FOXN3: variants seen among roughly 807,000 people sequenced by gnomAD.
FOXN3 encodes forkhead box protein N3.
FOXN3 carries 7 observed loss-of-function variants against 38.4 expected under a neutral mutation model. The ratio of observed to expected loss-of-function variants is 0.18; its 90% CI spans 0.10 to 0.34. The LOEUF (loss-of-function observed/expected upper bound fraction) is 0.34, where lower values mean the gene tolerates loss of function less well. Among genes scored for constraint, FOXN3 ranks in the 10% least tolerant of loss-of-function variants. The probability of loss-of-function intolerance (pLI) is 1.00; values close to 1 mark genes in which losing one functional copy is unlikely to be tolerated. For synonymous variants in FOXN3, 230 were observed against 242.2 expected (o/e 0.95, Z 0.47); for missense variants, 456 against 613.4 (o/e 0.74, Z 2.71).
In FOXN3 at chr14:89,203,620, G is replaced by C. The variant is rs377281991; in HGVS notation, c.746-22814C>G. 3.3e-5 allele frequency among the ~76,000 whole-genome samples: 5 copies of C among 152,310 alleles called. No individual in the cohort carries two copies. In the East Asian group the frequency reaches 5.8e-4, roughly 18 times the overall value. On this transcript the variant is annotated intron_variant, in intron 4 of 5. Coordinates refer to ENST00000557258, the MANE Select transcript of FOXN3 (RefSeq NM_005197.4). ...GCGGGCAGAGTGTTTAAGGAAGCGG[G>C]GGCGTGTGGTATGAATACTCAGATC...
Position 89,249,451 on chromosome 14 carries a change from C to A in FOXN3, c.745+31499G>T, listed in dbSNP as rs138011052. On this transcript the variant is annotated intron_variant, in intron 4 of 5. Coordinates refer to ENST00000557258, the MANE Select transcript of FOXN3 (RefSeq NM_005197.4). Reference sequence around the variant, plus strand: ...CACAGCCTTTGAAATGCTGAGAGGGCAAGTCAGCAACGCAGACACCGTGAT... The same window carrying A: ...CACAGCCTTTGAAATGCTGAGAGGGAAAGTCAGCAACGCAGACACCGTGAT... Among the ~76,000 whole-genome samples the A allele has an allele frequency of 9.8e-3, 1,487 of 152,310 alleles. 21 individuals are homozygous for A. The highest frequency in any genetic ancestry group is 0.034 in the African/African-American group (1,407 of 41,556).
In FOXN3 at chr14:89,401,458, C is replaced by G. The variant is rs950263797; in HGVS notation, c.543+10476G>C. On this transcript the variant is annotated intron_variant, in intron 2 of 5. Coordinates refer to ENST00000557258, the MANE Select transcript of FOXN3 (RefSeq NM_005197.4). The stretch of plus-strand genomic sequence containing the variant: ...AACAACAACAACAGTAGGTATTCTG[C>G]AAGACCTCAGAACCATAGCTGCAAA... 60 of 393,282 alleles carry G rather than the reference C, an allele frequency of 1.5e-4. 1 individual carries two copies. The Middle Eastern group carries it at 3.1e-3, about 20-fold the overall frequency. 24.4% of individuals were successfully genotyped at this position (393,282 alleles called of 1,614,324 possible).
chr14:89,352,131 G>A (rs550496945), intron 2 of FOXN3, among the ~76,000 whole-genome samples: 4 of 152,264 alleles, frequency 2.6e-5, no homozygotes, highest in Admixed American at 2.6e-4. Context: ...CCACCCCCAC[G>A]TGCAGGCCTG....
At chr14:89,418,020 G>C (rs1046692741), upstream of FOXN3, among the ~76,000 whole-genome samples, 2 of 152,184 alleles carry the variant, frequency 1.3e-5, no homozygotes, top group African/African-American at 4.8e-5. Flanking sequence ...CCAGCGAAAT[G>C]GTGCAGCCAC....
At chr14:89,178,427 G>A (rs899033692) in intron 5 of FOXN3, among the ~76,000 whole-genome samples, 5 of 152,144 alleles carry the variant, frequency 3.3e-5, no homozygotes, top group African/African-American at 1.2e-4. Context: ...TGAGATTATA[G>A]GCATGAGCCA....
chr14:89,448,295 G>A (rs895807198), intron 1 of FOXN3, among the ~76,000 whole-genome samples: 17 of 152,122 alleles, frequency 1.1e-4, no homozygotes, highest in African/African-American at 3.9e-4. Flanking sequence ...ACACACACAG[G>A]TCAAGGAGGT....
intron 3 of FOXN3, among the ~76,000 whole-genome samples, chr14:89,344,921 T>C (rs955682366): frequency 1.5e-4 from 23 of 152,220 alleles, no homozygotes; most frequent in African/African-American, 5.5e-4. Flanking sequence ...TTAGAACAGC[T>C]CAGTGGACTT....
At chr14:89,559,442 C>A (rs778268978) in intron 1 of FOXN3, among the ~76,000 whole-genome samples, 1 of 152,152 alleles carries the variant, frequency 6.6e-6, no homozygotes, top group African/African-American at 2.4e-5. Context: ...CTTTGGGAAG[C>A]TGAGGAGGGC....
chr14:89,486,187 A>G (rs999989904), intron 1 of FOXN3, among the ~76,000 whole-genome samples: 1 of 152,226 alleles, frequency 6.6e-6, no homozygotes, highest in Non-Finnish European at 1.5e-5. Flanking sequence ...CTCAACTAAA[A>G]GTACAACATT....
chr14:89,206,030 T>G (rs1279934125), intron 4 of FOXN3, among the ~76,000 whole-genome samples: 2 of 152,218 alleles, frequency 1.3e-5, no homozygotes, highest in Non-Finnish European at 2.9e-5. Flanking sequence ...AGCAAGAAGA[T>G]GCCCTCTAGA....
At chr14:89,382,229 C>T (rs1352963017) in intron 2 of FOXN3, among the ~76,000 whole-genome samples, 1 of 152,110 alleles carries the variant, frequency 6.6e-6, no homozygotes, top group African/African-American at 2.4e-5. Context: ...CTGGTGTCAC[C>T]AAGTGTACAC....
At chr14:89,360,424 G>GAGGGAGGA (rs1388557771) in intron 2 of FOXN3, among the ~76,000 whole-genome samples, 1 of 150,568 alleles carries the variant, frequency 6.6e-6, no homozygotes. Flanking sequence ...GGTAAAAAGA[G>GAGGGAGGA]AGGGAGGAAG....
intron 3 of FOXN3, chr14:89,291,737 G>C (rs1452864700): frequency 2.7e-6 from 1 of 369,590 alleles, no homozygotes; most frequent in Non-Finnish European, 5.3e-6. Flanking sequence ...ATTCAGTTGG[G>C]ACTTCATTCC....
chr14:89,313,854 A>T (rs115885706), intron 3 of FOXN3, among the ~76,000 whole-genome samples: 17 of 152,334 alleles, frequency 1.1e-4, no homozygotes, highest in African/African-American at 4.1e-4. Context: ...AATCTTGGGG[A>T]CACTGCGCTA....
intron 3 of FOXN3, among the ~76,000 whole-genome samples, chr14:89,306,205 A>T (rs543275841): frequency 6.6e-6 from 1 of 152,246 alleles, no homozygotes; most frequent in East Asian, 1.9e-4. Context: ...ATCAGCACTA[A>T]ACTGCTGGTG....
At chr14:89,615,331 G>A (rs1024197131) in intron 1 of FOXN3, among the ~76,000 whole-genome samples, 5 of 152,148 alleles carry the variant, frequency 3.3e-5, no homozygotes, top group African/African-American at 1.2e-4. Flanking sequence ...CAGCTTCAGT[G>A]AGTGTGTGAG....
Position 89,197,839 on chromosome 14 carries a change from G to A in FOXN3, c.746-17033C>T, listed in dbSNP as rs551050453. Among the ~76,000 whole-genome samples, 19 of 152,344 alleles carry A rather than the reference G, an allele frequency of 1.2e-4. No homozygotes were observed. In the South Asian group the frequency reaches 2.9e-3, roughly 23 times the overall value. Reference sequence around the variant, plus strand: ...CTGAAGTGTTTGAAAGGCGAAGAACGGCTGTCGCAGTAAATGAAGGATGCC... The same window carrying A: ...CTGAAGTGTTTGAAAGGCGAAGAACAGCTGTCGCAGTAAATGAAGGATGCC... On this transcript the variant is annotated intron_variant, in intron 4 of 5. Transcript: ENST00000557258.
At chr14:89,556,345 G>T (rs1471973106) in intron 1 of FOXN3, among the ~76,000 whole-genome samples, 2 of 151,352 alleles carry the variant, frequency 1.3e-5, no homozygotes, top group Admixed American at 6.6e-5. Flanking sequence ...GGAGGTTGCA[G>T]TGAACCAAAA....
chr14:89,281,990 G>A (rs1040148896), intron 3 of FOXN3, among the ~76,000 whole-genome samples: 12 of 152,134 alleles, frequency 7.9e-5, no homozygotes, highest in African/African-American at 2.9e-4. Context: ...ACACACAGAA[G>A]AATCTGAAGG....
Sources: gnomAD v4.1 joint callset for allele counts (sites outside exome capture counted in the v4.1 genomes callset) on GRCh38, gnomAD v4.1.1 for gene constraint, MANE v1.5 for transcripts, NCBI Gene and HGNC (gene_info 2026-07-23, HGNC 2026-07-21) for gene names.